The following ADD2 variants were observed in gnomAD, a reference collection of about 807,000 sequenced individuals.
ADD2 encodes the protein beta-adducin.
In ADD2, 23 loss-of-function variants were observed where a neutral mutation model predicts 83.0. That is an observed-to-expected ratio of 0.28 (90% confidence interval 0.20 to 0.39). The LOEUF (loss-of-function observed/expected upper bound fraction) is 0.39. ADD2 is among the 10% of genes least tolerant of loss of function. The probability of loss-of-function intolerance (pLI) is 1.00; values close to 1 mark genes in which losing one functional copy is unlikely to be tolerated. For synonymous variants in ADD2, 375 were observed against 375.4 expected (o/e 1.00, Z 0.01); for missense variants, 758 against 944.9 (o/e 0.80, Z 2.59).
chr2:70,678,332 C>G (rs1553368810), intron 11 of ADD2, among the ~76,000 whole-genome samples: 2 of 152,168 alleles, frequency 1.3e-5, no homozygotes, highest in African/African-American at 4.8e-5. Flanking sequence ...GGCTGTACAG[C>G]CCACCTCCTG....
chr2:70,671,860 C>T (rs577750605), intron 15 of ADD2, among the ~76,000 whole-genome samples: 2 of 152,268 alleles, frequency 1.3e-5, no homozygotes, highest in South Asian at 4.1e-4. Context: ...TTCCAATAGG[C>T]CACCAGATTT....
chr2:70,683,846 G>C, intron 9 of ADD2, 79 bp from the exon 10 acceptor site: 1 of 1,466,578 alleles, frequency 6.8e-7, no homozygotes, highest in Non-Finnish European at 9.1e-7. Flanking sequence ...TATGTGATGA[G>C]AGAATGGGGA....
intron 15 of ADD2, among the ~76,000 whole-genome samples, chr2:70,664,738 AGTGTGT>A (rs34661774): frequency 0.022 from 3,233 of 148,228 alleles, 103 homozygotes; most frequent in African/African-American, 0.076. Context: ...TGAGTGTGCA[AGTGTGT>A]GTGTGGGTGT....
chr2:70,716,409 C>T (rs553266141), intron 1 of ADD2, among the ~76,000 whole-genome samples: 4 of 152,238 alleles, frequency 2.6e-5, no homozygotes, highest in Admixed American at 2.0e-4. Context: ...ACACCCTCCT[C>T]TCTTCACCTC....
intron 9 of ADD2, chr2:70,687,467 T>C (rs2104299567): frequency 1.3e-5 from 2 of 154,000 alleles, no homozygotes; most frequent in South Asian, 4.0e-4. Flanking sequence ...GATGGCTTCC[T>C]GGATATCACT....
At position 70,660,098 on chromosome 2, in the gene ADD2, C is replaced by G. The variant is rs575474814; in HGVS notation, c.*3327G>C. The G allele has an allele frequency of 3.9e-5, 6 of 152,164 alleles. No individual in the cohort carries two copies. The highest frequency in any genetic ancestry group is 8.8e-5 in the Non-Finnish European group (6 of 68,040). The allele number at this position is 152,164 out of a possible 1,614,324, so 9.4% of individuals were successfully genotyped here. On this transcript the variant is annotated 3_prime_UTR_variant, in exon 16 of 16. Transcript: ENST00000264436. ...GAAAATGGCCTTTCCTTTCTAATAG[C>G]CTGTAGATTTGTTTGGACCACATGT...
chr2:70,674,737 G>C lies in ADD2; in HGVS notation c.1682C>G (p.Thr561Ser). The C allele has an allele frequency of 6.2e-7, 1 of 1,614,066 alleles. No individual in the cohort carries two copies. The highest frequency in any genetic ancestry group is 8.5e-7 in the Non-Finnish European group (1 of 1,179,958). ...CTTGTACTCCTCCAACTCCTGGTCA[G>C]TGAGTTGGCTGAAGGGGTTGGGCAC... The part of the protein sequence containing the change: ...ETVPNPFSQL[T>S]DQELEEYKKE... Residue 561 changes from threonine (T) to serine (S), a missense_variant, in exon 14 of 16, where the codon ACT becomes AGT. This residue lies in a region of ADD2 where 14 missense variants were observed against 36.2 expected (regional missense o/e 0.39). Coordinates refer to ENST00000264436, the MANE Select transcript of ADD2 (RefSeq NM_001617.4).
intron 10 of ADD2, among the ~76,000 whole-genome samples, chr2:70,679,935 C>G (rs1670373022): frequency 6.6e-6 from 1 of 152,044 alleles, no homozygotes. Flanking sequence ...GATTTGTAAG[C>G]TCTTTGTAAA....
At chr2:70,724,540 T>C (rs1374032682) in intron 1 of ADD2, among the ~76,000 whole-genome samples, 3 of 152,194 alleles carry the variant, frequency 2.0e-5, no homozygotes, top group Non-Finnish European at 4.4e-5. Flanking sequence ...CAGGCCAGGT[T>C]GCATGGCTCC....
chr2:70,704,284 C>T (rs1671773417), intron 4 of ADD2, 37 bp downstream of exon 4: 21 of 1,560,602 alleles, frequency 1.3e-5, no homozygotes, highest in Non-Finnish European at 1.8e-5. Flanking sequence ...CCCTCCCCTC[C>T]ACCTCTGCTC....
chr2:70,696,863 T>C lies in ADD2; in HGVS notation c.323-467A>G, dbSNP rs959151460. Among the ~76,000 whole-genome samples the C allele has an allele frequency of 3.3e-5, 5 of 152,068 alleles. No homozygotes were observed. In the East Asian group the frequency reaches 9.6e-4, roughly 29 times the overall value. On this transcript the variant is annotated intron_variant, in intron 4 of 15. Coordinates refer to ENST00000264436, the MANE Select transcript of ADD2 (RefSeq NM_001617.4). ...TTCTGTGATTTAGAAACAGGGAAAA[T>C]AGAAAGCCAGATCAGAGCTGGGTGC...
chr2:70,673,973 C>A (rs1321833570), intron 14 of ADD2, among the ~76,000 whole-genome samples: 1 of 152,150 alleles, frequency 6.6e-6, no homozygotes, highest in African/African-American at 2.4e-5. Flanking sequence ...GAAGACCCTG[C>A]CTTGAGGGAG....
chr2:70,663,795 G>A, intron 15 of ADD2, 60 bp from the exon 16 acceptor site: 1 of 1,515,340 alleles, frequency 6.6e-7, no homozygotes, highest in Non-Finnish European at 8.9e-7. Context: ...GCTTCCACCT[G>A]GGGCTAACAG....
At chr2:70,732,345 C>T (rs1186886113) in intron 1 of ADD2, among the ~76,000 whole-genome samples, 1 of 152,174 alleles carries the variant, frequency 6.6e-6, no homozygotes, top group Non-Finnish European at 1.5e-5. Flanking sequence ...GCTGAGCTTA[C>T]AGTAAGTCCA....
rs577207781 is a variant in ADD2 at position 70,707,593 on chromosome 2, G to GC, written c.-34-1152dup. On this transcript the variant is annotated intron_variant, in intron 2 of 15. Coordinates refer to ENST00000264436, the MANE Select transcript of ADD2 (RefSeq NM_001617.4). ...CCGTCTCCTTTCCTGTGTCGGCACT[G>GC]CAAGGCCTTCAAATCGGTGCTCTGC... Among the ~76,000 whole-genome samples, 28 of 152,348 alleles carry GC rather than the reference G, an allele frequency of 1.8e-4. No individual in the cohort carries two copies. The South Asian group carries it at 5.4e-3, about 29-fold the overall frequency.
intron 13 of ADD2, chr2:70,675,866 C>T: frequency 1.0e-6 from 1 of 984,842 alleles, no homozygotes; most frequent in Non-Finnish European, 1.2e-6. Context: ...GTTTTTTTAA[C>T]AGTGTTGCTC....
chr2:70,678,010 T>G, intron 11 of ADD2, 133 bp from the exon 12 acceptor site: 1 of 1,186,590 alleles, frequency 8.4e-7, no homozygotes, highest in Admixed American at 2.2e-5. Context: ...ACACTCTCTC[T>G]TCTTAGGCCT....
Position 70,678,966 on chromosome 2 carries a change from A to G in ADD2, c.1126-5T>C, listed in dbSNP as rs1670320234. 1.2e-6 allele frequency: 2 copies of G among 1,600,632 alleles called. No homozygotes were observed. Among genetic ancestry groups the G allele is most frequent in the Admixed American group, 1.7e-5 (1 of 58,108 alleles). ...CGTGTAACCTGTTCTGTAGCCCTAT[A>G]AAGGACAAAAATAGAACCACTTATG... On this transcript the variant is annotated splice_polypyrimidine_tract_variant and splice_region_variant and intron_variant, in intron 10 of 15. Coordinates refer to ENST00000264436, the MANE Select transcript of ADD2 (RefSeq NM_001617.4).
Position 70,706,286 on chromosome 2 carries a change from C to G in ADD2, c.123G>C (p.Leu41=). 1.2e-6 allele frequency: 2 copies of G among 1,614,118 alleles called. No homozygotes were observed. Among genetic ancestry groups the G allele is most frequent in the South Asian group, 1.1e-5 (1 of 91,086 alleles). ...GCTCCATCAGGTTGAAGTCCTGCCG[C>G]AGGTCCGCCGCCCGGTTGCGAAGGC... The part of the protein sequence containing the change: ...YMRLRNRAAD[L]RQDFNLMEQK... Residue 41 remains leucine, a synonymous_variant, in exon 3 of 16, where the codon CTG becomes CTC. Transcript: ENST00000264436. The surrounding 1 kb of genome is among the most constrained non-coding windows in gnomAD (Gnocchi z 5.0).
Sources: allele counts gnomAD v4.1 joint callset (sites outside exome capture counted in the v4.1 genomes callset), GRCh38; gene constraint gnomAD v4.1.1; regional missense constraint gnomAD v4.1.1; non-coding constraint Gnocchi (gnomAD v3.1); transcripts MANE v1.5; gene names NCBI Gene and HGNC (gene_info 2026-07-23, HGNC 2026-07-21).